PSKH1: variants seen among roughly 807,000 people sequenced by gnomAD.
PSKH1 encodes protein serine kinase H1, also known as serine/threonine-protein kinase H1.
Under a neutral mutation model 26.7 loss-of-function variants are expected in PSKH1, and 12 were observed. The observed-to-expected ratio is 0.45, with a 90% CI of 0.29 to 0.73. PSKH1 has a LOEUF of 0.73. PSKH1 is among the 30% of genes least tolerant of loss of function. The pLI, the probability that PSKH1 is intolerant of heterozygous loss-of-function variation, is 0.11. For synonymous variants in PSKH1, 213 were observed against 234.3 expected, an observed-to-expected ratio of 0.91 and a Z score of 0.83; for missense variants, 431 against 595.2, an observed-to-expected ratio of 0.72 and a Z score of 2.87.
chr16:67,895,711 A>G (rs1023548719), intron 1 of PSKH1, among the ~76,000 whole-genome samples: 4 of 152,148 alleles, frequency 2.6e-5, no homozygotes, highest in Admixed American at 1.3e-4. Flanking sequence ...CTGGCCAGGT[A>G]TCTGTATTTT....
At chr16:67,920,267 T>C (rs1384291151) in intron 2 of PSKH1, among the ~76,000 whole-genome samples, 1 of 152,196 alleles carries the variant, frequency 6.6e-6, no homozygotes, top group Non-Finnish European at 1.5e-5. Context: ...TTTATTATTA[T>C]TTTTTAATAG....
intron 1 of PSKH1, among the ~76,000 whole-genome samples, chr16:67,899,684 G>C (rs982184647): frequency 7.3e-5 from 10 of 136,746 alleles, no homozygotes; most frequent in African/African-American, 2.5e-4. Flanking sequence ...GTCCTGCTCT[G>C]TTGCCCAGGC....
At chr16:67,910,344 C>A (rs2058170019) in intron 2 of PSKH1, among the ~76,000 whole-genome samples, 2 of 152,230 alleles carry the variant, frequency 1.3e-5, no homozygotes, top group East Asian at 1.9e-4. Flanking sequence ...AGGGCCTTCC[C>A]AGCATCTGCT....
chr16:67,902,340 A>G (rs2058144318), intron 1 of PSKH1, among the ~76,000 whole-genome samples: 1 of 151,832 alleles, frequency 6.6e-6, no homozygotes, highest in African/African-American at 2.4e-5. Context: ...TCGATCTCTC[A>G]CCCAGGCTGG....
At chr16:67,907,104 C>T (rs1342263517) in intron 1 of PSKH1, among the ~76,000 whole-genome samples, 1 of 151,864 alleles carries the variant, frequency 6.6e-6, no homozygotes, top group Non-Finnish European at 1.5e-5. Context: ...GCTGGGACTA[C>T]AGGCGCCTGC....
intron 1 of PSKH1, among the ~76,000 whole-genome samples, chr16:67,906,174 A>T (rs1212709365): frequency 1.3e-5 from 2 of 151,898 alleles, no homozygotes; most frequent in Non-Finnish European, 1.5e-5. Context: ...CCGGGTTCAA[A>T]CAATTCTTCT....
intron 1 of PSKH1, among the ~76,000 whole-genome samples, chr16:67,904,857 C>T (rs750849915): frequency 1.4e-5 from 2 of 141,596 alleles, no homozygotes; most frequent in African/African-American, 5.3e-5. Flanking sequence ...GACAAAGTCT[C>T]GCTCTGTCGC....
intron 1 of PSKH1, among the ~76,000 whole-genome samples, chr16:67,894,669 G>A (rs1446570997): frequency 4.6e-5 from 7 of 152,164 alleles, no homozygotes; most frequent in Non-Finnish European, 1.0e-4. Flanking sequence ...GTGGTCTTCT[G>A]TCTGCATATG....
chr16:67,915,632 A>G (rs1567400685), intron 2 of PSKH1, among the ~76,000 whole-genome samples: 1 of 152,040 alleles, frequency 6.6e-6, no homozygotes, highest in Non-Finnish European at 1.5e-5. Flanking sequence ...GTTTCTCTTT[A>G]CTTTTCTGCA....
intron 1 of PSKH1, among the ~76,000 whole-genome samples, chr16:67,904,818 T>A: frequency 6.6e-6 from 1 of 150,890 alleles, no homozygotes; most frequent in Non-Finnish European, 1.5e-5. Context: ...TGGTCCTTTT[T>A]TAATTTTTTT....
intron 2 of PSKH1, among the ~76,000 whole-genome samples, chr16:67,916,569 T>G (rs2058188461): frequency 6.6e-6 from 1 of 151,820 alleles, no homozygotes; most frequent in African/African-American, 2.4e-5. Context: ...AGGTCTGGTG[T>G]TTGTTGTTGG....
chr16:67,926,272 A>G (rs2058216079), intron 2 of PSKH1, among the ~76,000 whole-genome samples: 1 of 152,246 alleles, frequency 6.6e-6, no homozygotes, highest in Non-Finnish European at 1.5e-5. Context: ...AAGCAGCTCC[A>G]GGAAAGGGCA....
rs565067989 is a variant in PSKH1, at chr16:67,906,523, C to A, written c.-70-2157C>A. Reference sequence around the variant, plus strand: ...GGTTACAGGTGTGCATCACCATGCCCGGCTAATGTTTTTGTATTTTTAGTA... The same window carrying A: ...GGTTACAGGTGTGCATCACCATGCCAGGCTAATGTTTTTGTATTTTTAGTA... On this transcript the variant is annotated intron_variant, in intron 1 of 2. Transcript: ENST00000291041. 2.0e-5 allele frequency among the ~76,000 whole-genome samples: 3 copies of A among 151,832 alleles called. No homozygotes were observed. The South Asian group carries it at 6.4e-4, about 33-fold the overall frequency.
chr16:67,896,936 T>C (rs2058128326), intron 1 of PSKH1, among the ~76,000 whole-genome samples: 1 of 152,214 alleles, frequency 6.6e-6, no homozygotes. Context: ...AAGTAGGTGC[T>C]GGAGTTCTCT....
intron 1 of PSKH1, among the ~76,000 whole-genome samples, chr16:67,902,836 A>G (rs2058145712): frequency 1.3e-5 from 2 of 152,046 alleles, no homozygotes; most frequent in Admixed American, 6.6e-5. Flanking sequence ...GGTCGTGGGC[A>G]TCGGGGTGAG....
At chr16:67,915,016 C>T (rs2058183220) in intron 2 of PSKH1, among the ~76,000 whole-genome samples, 1 of 152,150 alleles carries the variant, frequency 6.6e-6, no homozygotes, top group Non-Finnish European at 1.5e-5. Flanking sequence ...CACAGTCTTG[C>T]TAACTGGCTA....
intron 1 of PSKH1, among the ~76,000 whole-genome samples, chr16:67,901,917 C>A (rs546200649): frequency 6.6e-6 from 1 of 152,206 alleles, no homozygotes; most frequent in Admixed American, 6.5e-5. Flanking sequence ...TAAACCACTG[C>A]GCCCTGATGC....
At chr16:67,912,732 G>A (rs1030355911) in intron 2 of PSKH1, among the ~76,000 whole-genome samples, 9 of 152,304 alleles carry the variant, frequency 5.9e-5, no homozygotes, top group Admixed American at 4.6e-4. Flanking sequence ...GCCGGGCGTG[G>A]TGGCACATGC....
intron 2 of PSKH1, among the ~76,000 whole-genome samples, chr16:67,918,112 T>C (rs1231721430): frequency 6.6e-6 from 1 of 152,274 alleles, no homozygotes; most frequent in African/African-American, 2.4e-5. Flanking sequence ...GCTAGAGAAC[T>C]GTCAGGGTCC....
Sources: allele counts gnomAD v4.1 joint callset (sites outside exome capture counted in the v4.1 genomes callset), GRCh38; gene constraint gnomAD v4.1.1; transcripts MANE v1.5; gene names NCBI Gene and HGNC (gene_info 2026-07-23, HGNC 2026-07-21).